DMGDH: variants seen among roughly 807,000 people sequenced by gnomAD.
The protein encoded by DMGDH is dimethylglycine dehydrogenase.
A neutral mutation model predicts 95.2 loss-of-function variants in DMGDH; 76 were observed. The ratio of observed to expected loss-of-function variants is 0.80; its 90% CI spans 0.66 to 0.97. The LOEUF (loss-of-function observed/expected upper bound fraction) is 0.97, where lower values mean the gene tolerates loss of function less well. Among genes scored for constraint, DMGDH ranks in the 50% least tolerant of loss-of-function variants. DMGDH has a pLI of 0.00. For missense variants in DMGDH, 987 were observed against 1,055.0 expected, an observed-to-expected ratio of 0.94 and a Z score of 0.89; for synonymous variants, 345 against 377.6, an observed-to-expected ratio of 0.91 and a Z score of 1.00.
Position 79,032,719 on chromosome 5 carries a change from C to A in DMGDH, c.1485G>T (p.Trp495Cys), listed in dbSNP as rs1179823629. Reference protein sequence around the residue: ...GFHAGWEQPHWFYKPGQDTQY... With the variant: ...GFHAGWEQPHCFYKPGQDTQY... ...GAGTGTCCTGGCCTGGTTTGTAGAA[C>A]CAGTGCGGCTGCTCCCAGCCAGCAT... Residue 495 changes from tryptophan (W) to cysteine (C), a missense_variant, in exon 9 of 16, where the codon TGG becomes TGT. Coordinates refer to ENST00000255189, the MANE Select transcript of DMGDH (RefSeq NM_013391.3). 1 of 1,614,186 alleles carries A rather than the reference C, an allele frequency of 6.2e-7. No individual in the cohort carries two copies. The highest frequency in any genetic ancestry group is 8.5e-7 in the Non-Finnish European group (1 of 1,180,032).
intron 5 of DMGDH, among the ~76,000 whole-genome samples, chr5:79,044,861 G>A (rs936324860): frequency 5.3e-5 from 8 of 152,028 alleles, no homozygotes; most frequent in Admixed American, 2.0e-4. Context: ...AAGAAAAAAC[G>A]AACAACCCAA....
At chr5:79,018,403 C>CA (rs1043360916) in intron 14 of DMGDH, among the ~76,000 whole-genome samples, 1 of 151,566 alleles carries the variant, frequency 6.6e-6, no homozygotes, top group Non-Finnish European at 1.5e-5. Context: ...AATTAACACA[C>CA]AAAAAAAGTA....
At chr5:79,046,391 T>G (rs1403367143) in intron 5 of DMGDH, among the ~76,000 whole-genome samples, 2 of 118,742 alleles carry the variant, frequency 1.7e-5, no homozygotes, top group Admixed American at 1.5e-4. Context: ...GCCTGTTTTG[T>G]TTTGTTTTTG....
At chr5:79,041,225 C>T (rs1346261782) in intron 7 of DMGDH, among the ~76,000 whole-genome samples, 2 of 152,234 alleles carry the variant, frequency 1.3e-5, no homozygotes, top group East Asian at 1.9e-4. Context: ...CAGAGCTGTG[C>T]CTCAGGCAGC....
chr5:79,001,313 C>T (rs1753449491), intron 15 of DMGDH, among the ~76,000 whole-genome samples: 1 of 152,170 alleles, frequency 6.6e-6, no homozygotes, highest in African/African-American at 2.4e-5. Flanking sequence ...CAGGTGTACA[C>T]CACCATGCCT....
chr5:79,016,020 GA>G (rs1418102793), intron 14 of DMGDH, among the ~76,000 whole-genome samples: 4 of 152,050 alleles, frequency 2.6e-5, no homozygotes, highest in Non-Finnish European at 4.4e-5. Flanking sequence ...TTCCAGGCAA[GA>G]ATATAAGGCA....
At chr5:79,001,026 T>C (rs1159007662) in intron 15 of DMGDH, 8 of 699,408 alleles carry the variant, frequency 1.1e-5, no homozygotes, top group Non-Finnish European at 1.8e-5. Context: ...TTTGGCACAG[T>C]CATCAATGAC....
chr5:79,003,259 G>C (rs1326126569), intron 15 of DMGDH, among the ~76,000 whole-genome samples: 2 of 152,176 alleles, frequency 1.3e-5, no homozygotes, highest in African/African-American at 4.8e-5. Flanking sequence ...GTGACAAGAA[G>C]ACGTTATCTC....
At chr5:79,000,443 G>A in intron 15 of DMGDH, 3 of 620,558 alleles carry the variant, frequency 4.8e-6, no homozygotes, top group South Asian at 1.4e-5. Context: ...ATTTTCACCT[G>A]TTTGGGACAA....
intron 14 of DMGDH, among the ~76,000 whole-genome samples, chr5:79,020,206 A>G (rs1753831012): frequency 6.6e-6 from 1 of 152,210 alleles, no homozygotes; most frequent in Non-Finnish European, 1.5e-5. Flanking sequence ...CTGAGTCCCT[A>G]CAAGAGCTTC....
chr5:79,025,051 T>G (rs942072212), intron 13 of DMGDH, among the ~76,000 whole-genome samples: 1 of 152,254 alleles, frequency 6.6e-6, no homozygotes. Flanking sequence ...TCATATTTCT[T>G]AATCAATTTG....
At position 79,066,244 on chromosome 5, in the gene DMGDH, G is replaced by A. The variant is rs538759035; in HGVS notation, c.102-2457C>T. 4.6e-5 allele frequency among the ~76,000 whole-genome samples: 7 copies of A among 151,840 alleles called. No individual in the cohort carries two copies. The East Asian group carries it at 9.7e-4, about 21-fold the overall frequency. ...GAACAGTTCCTAATACTTCCTTTGT[G>A]TTTTATGACCTTCACATTTTCGAAG... On this transcript the variant is annotated intron_variant, in intron 1 of 15. Transcript: ENST00000255189.
chr5:79,011,118 A>T (rs1753641941), intron 14 of DMGDH, among the ~76,000 whole-genome samples: 1 of 152,184 alleles, frequency 6.6e-6, no homozygotes, highest in South Asian at 2.1e-4. Context: ...GGAAACTTAT[A>T]ATAAAGCCAT....
chr5:79,066,430 C>T (rs1019220738), intron 1 of DMGDH, among the ~76,000 whole-genome samples: 6 of 151,868 alleles, frequency 4.0e-5, no homozygotes, highest in South Asian at 2.1e-4. Context: ...GGACTGCAGG[C>T]GCCCACCACC....
At chr5:79,045,919 C>G (rs1754658951) in intron 5 of DMGDH, among the ~76,000 whole-genome samples, 1 of 152,140 alleles carries the variant, frequency 6.6e-6, no homozygotes, top group Non-Finnish European at 1.5e-5. Flanking sequence ...TCCATGTAAC[C>G]ATCTAAACCT....
chr5:79,068,021 G>A (rs775259097), intron 1 of DMGDH, among the ~76,000 whole-genome samples: 2 of 152,078 alleles, frequency 1.3e-5, no homozygotes, highest in Non-Finnish European at 2.9e-5. Context: ...AGGTTCAAGC[G>A]ATTCTCCCGC....
chr5:79,063,846 C>A (rs1755287769), intron 1 of DMGDH, 59 bp from the exon 2 acceptor site: 5 of 1,557,960 alleles, frequency 3.2e-6, no homozygotes, highest in Non-Finnish European at 4.4e-6. Context: ...ATAGTTCTGG[C>A]CTAAAGCACT....
At position 79,028,576 on chromosome 5, in the gene DMGDH, A is replaced by G. The variant is rs144860859; in HGVS notation, c.1889T>C (p.Leu630Pro). The G allele has an allele frequency of 3.2e-5, 51 of 1,614,144 alleles. No homozygotes were observed. In the African/African-American group the frequency reaches 5.7e-4, roughly 18 times the overall value. Residue 630 changes from leucine (L) to proline (P), a missense_variant, in exon 12 of 16, where the codon CTT becomes CCT. By Grantham distance (98) the Leu-to-Pro change is moderately conservative. Transcript: ENST00000255189. ...IKNITDELGV[L>P]GVAGPQARKV... ...TCTTGCCTGTGGCCCAGCAACTCCA[A>G]GAACTCCAAGCTCATCAGTTATGTT...
At chr5:79,008,071 A>T (rs1174472441) in intron 14 of DMGDH, among the ~76,000 whole-genome samples, 1 of 152,250 alleles carries the variant, frequency 6.6e-6, no homozygotes, top group Non-Finnish European at 1.5e-5. Context: ...CAAATTTTGA[A>T]ATATGACTCA....
Sources: allele counts gnomAD v4.1 joint callset (sites outside exome capture counted in the v4.1 genomes callset), GRCh38; gene constraint gnomAD v4.1.1; transcripts MANE v1.5; gene names NCBI Gene and HGNC (gene_info 2026-07-23, HGNC 2026-07-21).